The following KCTD1 variants were observed in gnomAD, a reference collection of about 807,000 sequenced individuals.
KCTD1 encodes potassium channel tetramerization domain containing 1.
KCTD1 carries 24 observed loss-of-function variants against 66.0 expected under a neutral mutation model. That is an observed-to-expected ratio of 0.36 (90% CI 0.26 to 0.51). KCTD1 has a LOEUF of 0.51. Among genes scored for constraint, KCTD1 ranks in the 20% least tolerant of loss-of-function variants. KCTD1 has a pLI of 0.95. For synonymous variants in KCTD1, 511 were observed against 517.2 expected, an observed-to-expected ratio of 0.99 and a Z score of 0.16; for missense variants, 943 against 1,205.2, an observed-to-expected ratio of 0.78 and a Z score of 3.22.
chr18:26,604,543 C>A (rs1471324947), intron 1 of KCTD1, among the ~76,000 whole-genome samples: 1 of 152,090 alleles, frequency 6.6e-6, no homozygotes, highest in Admixed American at 6.6e-5. Context: ...ACATATACAC[C>A]ATGGAATACT....
upstream of KCTD1, among the ~76,000 whole-genome samples, chr18:26,645,270 C>A (rs1167571210): frequency 2.0e-5 from 3 of 152,010 alleles, no homozygotes; most frequent in Non-Finnish European, 4.4e-5. Flanking sequence ...TCACTATTGC[C>A]TGGAGTGAGA....
At chr18:26,556,509 CA>C (rs1985711093) in intron 1 of KCTD1, among the ~76,000 whole-genome samples, 1 of 152,134 alleles carries the variant, frequency 6.6e-6, no homozygotes, top group African/African-American at 2.4e-5. Flanking sequence ...CTAAAAAGCA[CA>C]AAACAAAAAT....
intron 1 of KCTD1, among the ~76,000 whole-genome samples, chr18:26,652,674 A>T (rs1988058575): frequency 6.6e-6 from 1 of 152,188 alleles, no homozygotes; most frequent in Non-Finnish European, 1.5e-5. Context: ...GGATAAAAAG[A>T]GCCGGCCGAT....
chr18:26,487,967 A>G (rs2155759), intron 2 of KCTD1, among the ~76,000 whole-genome samples: 74,020 of 152,054 alleles, frequency 0.49, 20,379 homozygotes, highest in East Asian at 0.84. Flanking sequence ...TAGTAGTTTG[A>G]TGACTTCACT....
At chr18:26,477,213 A>T (rs2144603796) in intron 2 of KCTD1, among the ~76,000 whole-genome samples, 2 of 152,352 alleles carry the variant, frequency 1.3e-5, no homozygotes, top group Middle Eastern at 6.8e-3. Flanking sequence ...CTAACAATAT[A>T]CACTACAGTT....
chr18:26,599,381 G>C lies in KCTD1; in HGVS notation c.-16+29766C>G, dbSNP rs185625629. On this transcript the variant is annotated intron_variant, in intron 1 of 4. Transcript: ENST00000317932. ...ATTCTCTTTTGGCTAGCAGTTTTTA[G>C]GTCTGTCAGTACTGCACTGCAAGAA... 2.3e-4 allele frequency: 370 copies of C among 1,601,050 alleles called. 1 individual carries two copies. In the African/African-American group the frequency reaches 4.6e-3, roughly 20 times the overall value.
At chr18:26,542,012 T>C (rs926676704) in intron 1 of KCTD1, among the ~76,000 whole-genome samples, 1 of 152,152 alleles carries the variant, frequency 6.6e-6, no homozygotes, top group African/African-American at 2.4e-5. Flanking sequence ...AAGCAGAGAA[T>C]TATTTCAGCT....
At chr18:26,498,906 A>C (rs982111321) in intron 2 of KCTD1, among the ~76,000 whole-genome samples, 1 of 152,176 alleles carries the variant, frequency 6.6e-6, no homozygotes, top group Non-Finnish European at 1.5e-5. Context: ...AAATTATTTG[A>C]GAGATAGGAA....
At position 26,468,300 on chromosome 18, in the gene KCTD1, G is replaced by A. The variant is rs1035551841; in HGVS notation, c.2133+8215C>T. ...TCTCAACAGCTTTCCATGGAAGCCA[G>A]GACAGGAGCAACTGCCACTTAAATG... is the stretch of plus-strand genomic sequence containing the variant. On this transcript the variant is annotated intron_variant, in intron 3 of 4. Transcript: ENST00000580059. This position sits in a 1 kb window ranked among gnomAD's most constrained non-coding sequence, Gnocchi z 4.8. Among the ~76,000 whole-genome samples the A allele has an allele frequency of 3.3e-5, 5 of 152,186 alleles. No homozygotes were observed. The highest frequency in any genetic ancestry group is 7.3e-5 in the Non-Finnish European group (5 of 68,032).
intron 2 of KCTD1, among the ~76,000 whole-genome samples, chr18:26,493,092 C>T (rs1982290631): frequency 1.3e-5 from 2 of 152,178 alleles, no homozygotes; most frequent in African/African-American, 4.8e-5. Flanking sequence ...AGGATGAAAC[C>T]TCCCTTCCAG....
chr18:26,489,058 G>A (rs550637918), intron 2 of KCTD1, among the ~76,000 whole-genome samples: 5 of 152,220 alleles, frequency 3.3e-5, no homozygotes, highest in South Asian at 4.2e-4. Context: ...TCCCCTGCTC[G>A]GACCAGGACC....
In KCTD1 at chr18:26,476,408, C is replaced by A; in HGVS notation, c.2133+107G>T. ...AACCATGTCAAAGAGAACTCTGGCA[C>A]CTTTCGAGTTGGTGTATGTTAATAA... On this transcript the variant is annotated intron_variant, in intron 3 of 4. Transcript: ENST00000580059. This position sits in a 1 kb window ranked among gnomAD's most constrained non-coding sequence, Gnocchi z 4.9. The A allele has an allele frequency of 9.7e-7, 1 of 1,034,774 alleles. No homozygotes were observed. Among genetic ancestry groups the A allele is most frequent in the Non-Finnish European group, 1.4e-6 (1 of 730,956 alleles). The allele number at this position is 1,034,774 out of a possible 1,614,324, so 64.1% of individuals were successfully genotyped here.
At position 26,654,927 on chromosome 18, in the gene KCTD1, C is replaced by T. The variant is rs534777410; in HGVS notation, c.9+2433G>A. 3.3e-5 allele frequency among the ~76,000 whole-genome samples: 5 copies of T among 152,314 alleles called. 1 individual carries two copies. The highest frequency in any genetic ancestry group is 9.6e-5 in the African/African-American group (4 of 41,566). On this transcript the variant is annotated intron_variant, in intron 1 of 4. Coordinates refer to the KCTD1 transcript ENST00000580191. ...TTTAGTTTCCTGAATATCAGCCCCT[C>T]GTAGTAAGCCAAATGCCACACAAAT...
intron 1 of KCTD1, among the ~76,000 whole-genome samples, chr18:26,527,311 A>C (rs1263480370): frequency 6.6e-6 from 1 of 152,222 alleles, no homozygotes; most frequent in Non-Finnish European, 1.5e-5. Flanking sequence ...CATTTGATGC[A>C]GAAGACAATT....
chr18:26,651,796 A>AGAAG (rs1241409402), intron 1 of KCTD1, among the ~76,000 whole-genome samples: 11 of 126,474 alleles, frequency 8.7e-5, no homozygotes, highest in African/African-American at 4.0e-4. Context: ...AAAAAAAAAA[A>AGAAG]AAAAAGAAGA....
At chr18:26,551,752 A>G (rs541526186), upstream of KCTD1, among the ~76,000 whole-genome samples, 8 of 152,350 alleles carry the variant, frequency 5.3e-5, no homozygotes, top group African/African-American at 1.7e-4. Flanking sequence ...CCTTAAAAAC[A>G]TCCTGTGGTT....
chr18:26,459,834 C>T lies in KCTD1; in HGVS notation c.2225G>A (p.Gly742Asp). ...MERWKQDRET[G>D]RFSRPCECLV... ...GCACTCACAGGGCCTTGAAAATCGACCAGTTTCTCTGTCCTGCTTCCATCT... is the reference window on the plus strand; with the variant it reads ...GCACTCACAGGGCCTTGAAAATCGATCAGTTTCTCTGTCCTGCTTCCATCT... The change falls in exon 4 of 5, where the codon GGT becomes GAT. Residue 742 changes from glycine (G) to aspartate (D), a missense_variant. By Grantham distance (94) the Gly-to-Asp change is moderately conservative (BLOSUM62 -1). This residue lies in a region of KCTD1 where 162 missense variants were observed against 232.4 expected (regional missense o/e 0.70). Coordinates refer to ENST00000580059, the MANE Select transcript of KCTD1 (RefSeq NM_001142730.3). 1 of 1,614,170 alleles carries T rather than the reference C, an allele frequency of 6.2e-7. No individual in the cohort carries two copies. The highest frequency in any genetic ancestry group is 2.2e-5 in the East Asian group (1 of 44,882).
chr18:26,476,771 G>C lies in KCTD1; in HGVS notation c.1989-112C>G, dbSNP rs1055916925. ...GGTAGCACTTTTGAAGATGGCAGTA[G>C]GGAAAAATTACGATTGTCTGCAAAG... On this transcript the variant is annotated intron_variant, in intron 2 of 4. Transcript: ENST00000580059. The surrounding 1 kb of genome is among the most constrained non-coding windows in gnomAD (Gnocchi z 4.9). 4 of 902,152 alleles carry C rather than the reference G, an allele frequency of 4.4e-6. No homozygotes were observed. The highest frequency in any genetic ancestry group is 1.6e-5 in the South Asian group (1 of 64,200). 55.9% of individuals were successfully genotyped at this position (902,152 alleles called of 1,614,324 possible).
intron 1 of KCTD1, among the ~76,000 whole-genome samples, chr18:26,624,642 G>T (rs1439366423): frequency 1.3e-5 from 2 of 152,246 alleles, no homozygotes; most frequent in Non-Finnish European, 2.9e-5. Flanking sequence ...GCAGAAGTTT[G>T]CTGCAGTGGC....
Sources: allele counts gnomAD v4.1 joint callset (sites outside exome capture counted in the v4.1 genomes callset), GRCh38; gene constraint gnomAD v4.1.1; regional missense constraint gnomAD v4.1.1; non-coding constraint Gnocchi (gnomAD v3.1); transcripts MANE v1.5; gene names NCBI Gene and HGNC (gene_info 2026-07-23, HGNC 2026-07-21).